Variants in USP10 observed in about 807,000 individuals in gnomAD.
The protein encoded by USP10 is ubiquitin carboxyl-terminal hydrolase 10.
Under a neutral mutation model 84.5 loss-of-function variants are expected in USP10, and 22 were observed. The ratio of observed to expected loss-of-function variants is 0.26; its 90% CI spans 0.19 to 0.37. USP10 has a LOEUF of 0.37. USP10 is among the 10% of genes least tolerant of loss of function. USP10 has a pLI of 1.00. For missense variants in USP10, 1,019 were observed against 998.9 expected (o/e 1.02, Z -0.27); for synonymous variants, 454 against 387.6 (o/e 1.17, Z -2.01).
intron 8 of USP10, among the ~76,000 whole-genome samples, chr16:84,761,397 A>AAGAAC (rs1284016349): frequency 2.0e-5 from 3 of 152,194 alleles, no homozygotes; most frequent in African/African-American, 7.2e-5. Flanking sequence ...GATTCACTGG[A>AAGAAC]AGAACTCAGA....
At chr16:84,732,341 T>TA in intron 1 of USP10, 1 of 357,408 alleles carries the variant, frequency 2.8e-6, no homozygotes. Flanking sequence ...GTACTGATCA[T>TA]ACGTGGGCAT....
rs762270766 is a variant in USP10, at chr16:84,733,419, T to C, written c.22-16T>C. 1 of 1,573,064 alleles carries C rather than the reference T, an allele frequency of 6.4e-7. No individual in the cohort carries two copies. Among genetic ancestry groups the C allele is most frequent in the Non-Finnish European group, 8.7e-7 (1 of 1,150,270 alleles). Reference sequence around the variant, plus strand: ...GTATATTTTATGTGATCAGTGACTCTCTTATTTTTTTTCAGTATATTTTTG... The same window carrying C: ...GTATATTTTATGTGATCAGTGACTCCCTTATTTTTTTTCAGTATATTTTTG... On this transcript the variant is annotated splice_polypyrimidine_tract_variant and intron_variant, in intron 1 of 13. Coordinates refer to ENST00000219473, the MANE Select transcript of USP10 (RefSeq NM_005153.3).
chr16:84,708,092 T>A (rs1007518668), intron 1 of USP10, among the ~76,000 whole-genome samples: 7 of 151,788 alleles, frequency 4.6e-5, no homozygotes, highest in African/African-American at 9.7e-5. Flanking sequence ...AAAGAAAAGA[T>A]AAGAAATATT....
chr16:84,732,471 G>C (rs771647020), intron 1 of USP10: 1 of 390,514 alleles, frequency 2.6e-6, no homozygotes, highest in South Asian at 1.8e-5. Context: ...TTTTGAGATG[G>C]AGTCTGGCTC....
chr16:84,704,675 C>T, intron 1 of USP10: 1 of 1,453,220 alleles, frequency 6.9e-7, no homozygotes, highest in Non-Finnish European at 9.0e-7. Flanking sequence ...TTATCATAAA[C>T]CTCGATGTAG....
chr16:84,722,108 C>T (rs1907890553), intron 1 of USP10, among the ~76,000 whole-genome samples: 1 of 152,224 alleles, frequency 6.6e-6, no homozygotes, highest in Non-Finnish European at 1.5e-5. Flanking sequence ...CCATGAATCC[C>T]CACCTTGTCC....
At chr16:84,726,408 T>G (rs1349727202) in intron 1 of USP10, among the ~76,000 whole-genome samples, 10 of 152,224 alleles carry the variant, frequency 6.6e-5, no homozygotes, top group Admixed American at 1.3e-4. Flanking sequence ...TTGTTTTTCC[T>G]TTAGCAGGAA....
chr16:84,754,032 T>C (rs1249918028), intron 4 of USP10, among the ~76,000 whole-genome samples: 5 of 152,104 alleles, frequency 3.3e-5, no homozygotes, highest in Admixed American at 6.6e-5. Context: ...GGCCACCAAG[T>C]CCTGTTACCT....
intron 1 of USP10, among the ~76,000 whole-genome samples, chr16:84,726,246 G>A (rs1275121892): frequency 1.3e-5 from 2 of 152,196 alleles, no homozygotes; most frequent in African/African-American, 2.4e-5. Flanking sequence ...AGTCCCCAGC[G>A]TCTCCTGAAG....
intron 3 of USP10, among the ~76,000 whole-genome samples, chr16:84,743,122 C>T (rs1052289860): frequency 3.9e-5 from 6 of 152,158 alleles, no homozygotes; most frequent in Non-Finnish European, 8.8e-5. Flanking sequence ...GAACAGCCAG[C>T]CCCTACATAT....
intron 1 of USP10, among the ~76,000 whole-genome samples, chr16:84,710,101 C>G (rs1040983929): frequency 1.3e-5 from 2 of 152,050 alleles, no homozygotes; most frequent in Non-Finnish European, 2.9e-5. Context: ...GAAACCCCAT[C>G]TCTACTAAAA....
chr16:84,762,536 C>G (rs946368759), intron 8 of USP10, among the ~76,000 whole-genome samples: 1 of 151,992 alleles, frequency 6.6e-6, no homozygotes, highest in Non-Finnish European at 1.5e-5. Context: ...ACTAAAAATA[C>G]AAAGATTAGC....
intron 10 of USP10, among the ~76,000 whole-genome samples, 160 bp downstream of exon 10, chr16:84,764,423 T>A (rs1455279787): frequency 6.6e-6 from 1 of 152,224 alleles, no homozygotes; most frequent in Non-Finnish European, 1.5e-5. Flanking sequence ...GATGCTTCCC[T>A]TGTCAGCCCC....
intron 3 of USP10, among the ~76,000 whole-genome samples, chr16:84,743,997 T>G (rs1267179771): frequency 6.6e-6 from 1 of 152,202 alleles, no homozygotes; most frequent in Non-Finnish European, 1.5e-5. Flanking sequence ...GACCAAGAGA[T>G]AGAGAATTCA....
intron 2 of USP10, among the ~76,000 whole-genome samples, chr16:84,735,965 C>A (rs1001199941): frequency 2.6e-5 from 4 of 151,910 alleles, no homozygotes; most frequent in South Asian, 2.1e-4. Flanking sequence ...TGTGGTTGGG[C>A]CTGTGGGTGT....
chr16:84,728,451 T>A (rs1908798299), intron 1 of USP10, among the ~76,000 whole-genome samples: 1 of 152,080 alleles, frequency 6.6e-6, no homozygotes. Context: ...GCGATTCCCC[T>A]GCCTCAGCCT....
At chr16:84,732,142 C>A (rs577459491) in intron 1 of USP10, among the ~76,000 whole-genome samples, 1 of 152,080 alleles carries the variant, frequency 6.6e-6, no homozygotes, top group African/African-American at 2.4e-5. Flanking sequence ...TGCATTCTTA[C>A]CAGGAGGGTA....
intron 1 of USP10, among the ~76,000 whole-genome samples, chr16:84,711,407 G>T (rs1310619111): frequency 6.6e-6 from 1 of 152,174 alleles, no homozygotes; most frequent in Non-Finnish European, 1.5e-5. Flanking sequence ...TGATGTCCCA[G>T]AGAACTGGAA....
intron 1 of USP10, among the ~76,000 whole-genome samples, chr16:84,711,508 C>T (rs933595449): frequency 6.6e-6 from 1 of 152,200 alleles, no homozygotes; most frequent in East Asian, 1.9e-4. Context: ...TTCCTGCTCT[C>T]TTTTGCTGTT....
Sources: allele counts gnomAD v4.1 joint callset (sites outside exome capture counted in the v4.1 genomes callset), GRCh38; gene constraint gnomAD v4.1.1; transcripts MANE v1.5; gene names NCBI Gene and HGNC (gene_info 2026-07-23, HGNC 2026-07-21).